TMEFF2: variants seen among roughly 807,000 people sequenced by gnomAD.
The protein encoded by TMEFF2 is tomoregulin-2.
In TMEFF2, 28 loss-of-function variants were observed where a neutral mutation model predicts 53.8. That is an observed-to-expected ratio of 0.52 (90% CI 0.39 to 0.71). The LOEUF is 0.71. Ranked by LOEUF, TMEFF2 falls within the 30% of genes least tolerant of loss-of-function variation. The pLI is 0.00. For missense variants in TMEFF2, 353 were observed against 455.2 expected, an observed-to-expected ratio of 0.78 and a Z score of 2.04; for synonymous variants, 162 against 166.3, an observed-to-expected ratio of 0.97 and a Z score of 0.20.
intron 4 of TMEFF2, among the ~76,000 whole-genome samples, chr2:192,101,332 A>G (rs1213872650): frequency 6.6e-6 from 1 of 152,206 alleles, no homozygotes; most frequent in Non-Finnish European, 1.5e-5. Context: ...TGCAGAGGCA[A>G]TTGAAGAATA....
intron 5 of TMEFF2, among the ~76,000 whole-genome samples, chr2:192,020,307 T>G (rs1686832662): frequency 6.6e-6 from 1 of 152,104 alleles, no homozygotes; most frequent in Non-Finnish European, 1.5e-5. Context: ...GAGACTTGCA[T>G]ACATATAAAA....
At chr2:191,983,556 A>T (rs1685905723) in intron 7 of TMEFF2, among the ~76,000 whole-genome samples, 1 of 152,144 alleles carries the variant, frequency 6.6e-6, no homozygotes, top group Non-Finnish European at 1.5e-5. Flanking sequence ...AGTGCTCTTG[A>T]TATATAAGAT....
intron 7 of TMEFF2, among the ~76,000 whole-genome samples, chr2:191,964,659 C>G (rs1316991376): frequency 6.6e-6 from 1 of 151,938 alleles, no homozygotes; most frequent in Non-Finnish European, 1.5e-5. Flanking sequence ...TGGTAGACCT[C>G]GTTTCCTTTA....
intron 7 of TMEFF2, among the ~76,000 whole-genome samples, chr2:191,995,982 T>A (rs1485408453): frequency 1.3e-5 from 2 of 151,838 alleles, no homozygotes; most frequent in Non-Finnish European, 2.9e-5. Flanking sequence ...GTATTAAAAA[T>A]GTATTTTTTT....
At position 192,065,163 on chromosome 2, in the gene TMEFF2, G is replaced by T. The variant is rs533942290; in HGVS notation, c.440-7388C>A. The stretch of plus-strand genomic sequence containing the variant: ...CTTTGTCAGCTTAGATTTGATAATA[G>T]TTAAGGTGTGTTTCTTCTATTATAT... On this transcript the variant is annotated intron_variant, in intron 4 of 9. Transcript: ENST00000272771. 6.0e-4 allele frequency among the ~76,000 whole-genome samples: 91 copies of T among 151,842 alleles called. 1 individual carries two copies. Among genetic ancestry groups the T allele is most frequent in the Non-Finnish European group, 1.3e-4 (9 of 67,760 alleles).
At chr2:192,088,606 C>A (rs544564375) in intron 4 of TMEFF2, among the ~76,000 whole-genome samples, 12 of 152,114 alleles carry the variant, frequency 7.9e-5, no homozygotes, top group Non-Finnish European at 1.3e-4. Flanking sequence ...AATCAATTAT[C>A]CTGTATTTTC....
intron 5 of TMEFF2, among the ~76,000 whole-genome samples, chr2:192,002,342 T>C (rs754193128): frequency 3.9e-4 from 59 of 152,166 alleles, no homozygotes; most frequent in Non-Finnish European, 5.9e-4. Context: ...CTCAATTGCA[T>C]ATCCTCATCA....
chr2:192,026,221 T>A (rs773587928), intron 5 of TMEFF2, among the ~76,000 whole-genome samples: 3 of 152,130 alleles, frequency 2.0e-5, no homozygotes, highest in Non-Finnish European at 2.9e-5. Flanking sequence ...AGGCCACCAG[T>A]CACTTGGCTG....
In TMEFF2 at chr2:192,117,579, C is replaced by G. The variant is rs541270578; in HGVS notation, c.440-59804G>C. 9.9e-5 allele frequency among the ~76,000 whole-genome samples: 15 copies of G among 152,164 alleles called. 1 individual carries two copies. The South Asian group carries it at 3.1e-3, about 32-fold the overall frequency. On this transcript the variant is annotated intron_variant, in intron 4 of 9. Coordinates refer to ENST00000272771, the MANE Select transcript of TMEFF2 (RefSeq NM_016192.4). ...ACCTAAGGCTGATTAAGGCTAGCTT[C>G]CTAGAACTCCAAACTCCAAAATGAA... is the stretch of plus-strand genomic sequence containing the variant.
At chr2:192,121,479 T>C (rs944176167) in intron 4 of TMEFF2, among the ~76,000 whole-genome samples, 1 of 152,088 alleles carries the variant, frequency 6.6e-6, no homozygotes, top group Admixed American at 6.6e-5. Context: ...GACCAGGCTA[T>C]AGGGGCAAGA....
At chr2:192,140,342 T>G (rs1380813689) in intron 4 of TMEFF2, among the ~76,000 whole-genome samples, 1 of 152,200 alleles carries the variant, frequency 6.6e-6, no homozygotes, top group Non-Finnish European at 1.5e-5. Flanking sequence ...ATACAGGCAC[T>G]CATTAAATCA....
intron 6 of TMEFF2, among the ~76,000 whole-genome samples, chr2:191,998,722 G>A (rs1686283536): frequency 6.6e-6 from 1 of 151,966 alleles, no homozygotes; most frequent in Non-Finnish European, 1.5e-5. Context: ...TTAGTTTCAA[G>A]GATGTCTAAT....
intron 4 of TMEFF2, among the ~76,000 whole-genome samples, chr2:192,174,009 A>G (rs2106027026): frequency 6.6e-6 from 1 of 151,942 alleles, no homozygotes; most frequent in South Asian, 2.1e-4. Context: ...TCTTTCCTAT[A>G]GATACATATT....
chr2:191,962,660 T>C (rs1011540912), intron 7 of TMEFF2, among the ~76,000 whole-genome samples: 1 of 152,204 alleles, frequency 6.6e-6, no homozygotes. Context: ...TATGCAACAT[T>C]TTCACTTGAC....
At chr2:192,006,532 T>C (rs1686506179) in intron 5 of TMEFF2, among the ~76,000 whole-genome samples, 1 of 152,188 alleles carries the variant, frequency 6.6e-6, no homozygotes, top group South Asian at 2.1e-4. Flanking sequence ...CTCTATTTAA[T>C]GAGGCTTATT....
chr2:192,181,316 G>A (rs1214893613), intron 3 of TMEFF2, among the ~76,000 whole-genome samples: 1 of 151,730 alleles, frequency 6.6e-6, no homozygotes, highest in Non-Finnish European at 1.5e-5. Context: ...ATAACAGACT[G>A]TGGTATTACA....
Position 191,999,077 on chromosome 2 carries a change from G to T in TMEFF2, c.668C>A (p.Ser223Tyr), listed in dbSNP as rs1332421962. 4 of 1,610,070 alleles carry T rather than the reference G, an allele frequency of 2.5e-6. No homozygotes were observed. In the African/African-American group the frequency reaches 5.3e-5, roughly 22 times the overall value. Reference protein sequence around the residue: ...CQKQEKIEVMSLGRCQDNTTT... With the variant: ...CQKQEKIEVMYLGRCQDNTTT... Reference sequence around the variant, plus strand: ...AACATTACCTTGACATCGACCCAAAGACATGACTTCAATTTTCTCCTGTTT... The same window carrying T: ...AACATTACCTTGACATCGACCCAAATACATGACTTCAATTTTCTCCTGTTT... The change falls in exon 6 of 10, where the codon TCT (serine) becomes TAT (tyrosine). Residue 223 changes from serine to tyrosine, a missense_variant. Around this residue, in one of 3 missense-constraint regions of TMEFF2, gnomAD observed 294 missense variants for 397.3 expected, o/e 0.74. Coordinates refer to ENST00000272771, the MANE Select transcript of TMEFF2 (RefSeq NM_016192.4).
chr2:192,091,325 A>C (rs928709990), intron 4 of TMEFF2, among the ~76,000 whole-genome samples: 5 of 152,164 alleles, frequency 3.3e-5, no homozygotes, highest in African/African-American at 1.2e-4. Flanking sequence ...GAAATCACAG[A>C]GATGATCAGG....
At chr2:191,983,053 TA>T (rs1323607413) in intron 7 of TMEFF2, among the ~76,000 whole-genome samples, 1 of 152,156 alleles carries the variant, frequency 6.6e-6, no homozygotes, top group Non-Finnish European at 1.5e-5. Flanking sequence ...TGGCCTCCAG[TA>T]GGATTCTACT....
Sources: gnomAD v4.1 joint callset for allele counts (sites outside exome capture counted in the v4.1 genomes callset) on GRCh38, gnomAD v4.1.1 for gene constraint, gnomAD v4.1.1 regional missense constraint, MANE v1.5 for transcripts, NCBI Gene and HGNC (gene_info 2026-07-23, HGNC 2026-07-21) for gene names.